ARAP2: variants seen among roughly 807,000 people sequenced by gnomAD.
ARAP2 encodes the protein ArfGAP with RhoGAP domain, ankyrin repeat and PH domain 2.
ARAP2 carries 148 observed loss-of-function variants against 194.5 expected under a neutral mutation model. The ratio of observed to expected loss-of-function variants is 0.76; its 90% CI spans 0.67 to 0.87. ARAP2 has a LOEUF of 0.87. Ranked by LOEUF, ARAP2 falls within the 40% of genes least tolerant of loss-of-function variation. ARAP2 has a pLI of 0.00. For missense variants in ARAP2, 2,128 were observed against 1,989.7 expected (o/e 1.07, Z -1.32); for synonymous variants, 695 against 683.5 (o/e 1.02, Z -0.26).
intron 5 of ARAP2, among the ~76,000 whole-genome samples, chr4:36,037,446 AG>A (rs1446871510): frequency 6.6e-6 from 1 of 152,172 alleles, no homozygotes; most frequent in Non-Finnish European, 1.5e-5. Flanking sequence ...CTTTCCCTGA[AG>A]AAAAAGTCTG....
At chr4:36,144,171 G>C (rs1336131901) in intron 19 of ARAP2, among the ~76,000 whole-genome samples, 2 of 151,298 alleles carry the variant, frequency 1.3e-5, no homozygotes, top group East Asian at 3.9e-4. Context: ...TAAAAAAAAG[G>C]GTACAAAAAT....
intron 19 of ARAP2, among the ~76,000 whole-genome samples, chr4:36,145,552 T>TG (rs1418059455): frequency 4.6e-5 from 7 of 151,992 alleles, no homozygotes; most frequent in African/African-American, 1.4e-4. Flanking sequence ...GGGCAAGGGC[T>TG]GAAAAACTAC....
intron 12 of ARAP2, 37 bp downstream of exon 12, chr4:36,161,428 C>T (rs777998387): frequency 6.5e-7 from 1 of 1,544,276 alleles, no homozygotes; most frequent in South Asian, 1.1e-5. Context: ...CAAACTGAAC[C>T]CCTATCACAA....
chr4:36,036,354 T>C (rs1719920856), intron 5 of ARAP2, among the ~76,000 whole-genome samples: 1 of 152,148 alleles, frequency 6.6e-6, no homozygotes, highest in African/African-American at 2.4e-5. Context: ...ATAACATTTA[T>C]TGTTTTTGCT....
intron 2 of ARAP2, among the ~76,000 whole-genome samples, chr4:36,053,725 G>C (rs1322512487): frequency 6.6e-6 from 1 of 152,078 alleles, no homozygotes; most frequent in Non-Finnish European, 1.5e-5. Flanking sequence ...AAACTAAAAG[G>C]AATTTATTAA....
At chr4:36,197,328 C>T (rs139968113) in intron 6 of ARAP2, among the ~76,000 whole-genome samples, 5 of 152,204 alleles carry the variant, frequency 3.3e-5, no homozygotes, top group East Asian at 1.9e-4. Flanking sequence ...AGCGAAGAAA[C>T]GAATGAATGT....
At chr4:36,038,346 C>T (rs1274274028) in intron 5 of ARAP2, among the ~76,000 whole-genome samples, 1 of 152,124 alleles carries the variant, frequency 6.6e-6, no homozygotes, top group African/African-American at 2.4e-5. Context: ...TAATGGAGGT[C>T]AGAGAAGCAG....
At chr4:36,057,380 C>T (rs552103362) in intron 2 of ARAP2, among the ~76,000 whole-genome samples, 21 of 150,226 alleles carry the variant, frequency 1.4e-4, no homozygotes, top group South Asian at 8.4e-4. Flanking sequence ...GCTTAGAGTT[C>T]GGCTAACATA....
chr4:36,222,580 T>C (rs1022353015), intron 2 of ARAP2, among the ~76,000 whole-genome samples: 6 of 152,102 alleles, frequency 3.9e-5, no homozygotes, highest in Admixed American at 1.3e-4. Context: ...ATCGCATCTG[T>C]AGTAAAAGTA....
At chr4:36,236,356 C>T (rs756877890) in intron 1 of ARAP2, among the ~76,000 whole-genome samples, 8 of 152,092 alleles carry the variant, frequency 5.3e-5, no homozygotes, top group Non-Finnish European at 8.8e-5. Context: ...CCATGGGTTA[C>T]TTCATTAAAC....
chr4:36,029,074 A>G (rs529423452), intron 5 of ARAP2, among the ~76,000 whole-genome samples: 2 of 152,156 alleles, frequency 1.3e-5, no homozygotes, highest in Admixed American at 1.3e-4. Context: ...ATATGCATGT[A>G]AAATTTGTAT....
chr4:36,037,535 C>T (rs779066035), intron 5 of ARAP2, among the ~76,000 whole-genome samples: 25 of 152,060 alleles, frequency 1.6e-4, no homozygotes, highest in Non-Finnish European at 3.4e-4. Context: ...TTCAGCATTT[C>T]AATATTAAAT....
At chr4:36,160,374 A>G in intron 13 of ARAP2, 85 bp downstream of exon 13, 1 of 1,316,672 alleles carries the variant, frequency 7.6e-7, no homozygotes, top group Non-Finnish European at 9.8e-7. Flanking sequence ...AGATAGTATA[A>G]AATTTTTTAC....
chr4:36,158,415 T>A (rs953233912), intron 15 of ARAP2, among the ~76,000 whole-genome samples: 1 of 152,114 alleles, frequency 6.6e-6, no homozygotes, highest in Admixed American at 6.5e-5. Flanking sequence ...GGTGAGCCAG[T>A]TGGGGTGTCC....
At chr4:36,072,239 A>T (rs1333188003) in intron 32 of ARAP2, among the ~76,000 whole-genome samples, 1 of 152,094 alleles carries the variant, frequency 6.6e-6, no homozygotes, top group Admixed American at 6.6e-5. Flanking sequence ...TCTTACAAAG[A>T]GCTTGGTTTA....
At chr4:36,241,584 A>G (rs962362357) in intron 1 of ARAP2, among the ~76,000 whole-genome samples, 3 of 152,224 alleles carry the variant, frequency 2.0e-5, no homozygotes, top group African/African-American at 7.2e-5. Flanking sequence ...GGTAGATGAG[A>G]CATGACTATA....
Position 36,051,496 on chromosome 4 carries a change from A to C in ARAP2, n.369+510T>G, listed in dbSNP as rs1173395616. On this transcript the variant is annotated intron_variant and non_coding_transcript_variant, in intron 3 of 12. Transcript: ENST00000503225. ...CATTTCAAAAATAAATAAATTAATAAATAATAACAATAATAATAATAAATA... is the reference window on the plus strand; with the variant it reads ...CATTTCAAAAATAAATAAATTAATACATAATAACAATAATAATAATAAATA... 3.9e-5 allele frequency among the ~76,000 whole-genome samples: 6 copies of C among 151,950 alleles called. No homozygotes were observed. The East Asian group carries it at 1.2e-3, about 29-fold the overall frequency.
chr4:36,213,335 C>G lies in ARAP2; in HGVS notation c.965-16G>C. The G allele has an allele frequency of 6.5e-7, 1 of 1,546,002 alleles. No individual in the cohort carries two copies. The highest frequency in any genetic ancestry group is 8.9e-7 in the Non-Finnish European group (1 of 1,120,234). Reference sequence around the variant, plus strand: ...TCATTTGAATCTTTTAGGGGAATTACAGGATGAGAACAGAAAGATGTGAAT... The same window carrying G: ...TCATTTGAATCTTTTAGGGGAATTAGAGGATGAGAACAGAAAGATGTGAAT... On this transcript the variant is annotated splice_polypyrimidine_tract_variant and intron_variant, in intron 3 of 32. Coordinates refer to ENST00000303965, the MANE Select transcript of ARAP2 (RefSeq NM_015230.4).
chr4:36,091,625 T>C (rs764576699), intron 28 of ARAP2, among the ~76,000 whole-genome samples: 17 of 152,016 alleles, frequency 1.1e-4, no homozygotes, highest in Non-Finnish European at 2.1e-4. Context: ...TTATAATACA[T>C]ATTAGACTTT....
Sources: allele counts gnomAD v4.1 joint callset (sites outside exome capture counted in the v4.1 genomes callset), GRCh38; gene constraint gnomAD v4.1.1; transcripts MANE v1.5; gene names NCBI Gene and HGNC (gene_info 2026-07-23, HGNC 2026-07-21).